Variants in ASIC2 observed in about 807,000 individuals in gnomAD.
The protein encoded by ASIC2 is acid-sensing ion channel 2.
Under a neutral mutation model 57.3 loss-of-function variants are expected in ASIC2, and 25 were observed. The ratio of observed to expected loss-of-function variants is 0.44; its 90% CI spans 0.32 to 0.61. The LOEUF is 0.61. ASIC2 is among the 20% of genes least tolerant of loss of function. The pLI is 0.06. For synonymous variants in ASIC2, 319 were observed against 307.5 expected, an observed-to-expected ratio of 1.04 and a Z score of -0.39; for missense variants, 641 against 738.1, an observed-to-expected ratio of 0.87 and a Z score of 1.52.
intron 1 of ASIC2, among the ~76,000 whole-genome samples, chr17:34,030,833 G>A (rs978379267): frequency 6.6e-6 from 1 of 152,228 alleles, no homozygotes; most frequent in Non-Finnish European, 1.5e-5. Context: ...TGCCCAGTTA[G>A]TTGTTTGATT....
At chr17:33,814,172 G>T (rs1050463420) in intron 1 of ASIC2, among the ~76,000 whole-genome samples, 1 of 152,100 alleles carries the variant, frequency 6.6e-6, no homozygotes, top group Non-Finnish European at 1.5e-5. Flanking sequence ...AGGAGATTCC[G>T]CCTTTTAAAG....
At chr17:33,837,799 C>T (rs1216673557) in intron 1 of ASIC2, among the ~76,000 whole-genome samples, 1 of 152,158 alleles carries the variant, frequency 6.6e-6, no homozygotes, top group Non-Finnish European at 1.5e-5. Flanking sequence ...CATATTATGG[C>T]CTCTCACCCA....
At chr17:33,732,518 T>A (rs1909775361) in intron 1 of ASIC2, among the ~76,000 whole-genome samples, 1 of 151,952 alleles carries the variant, frequency 6.6e-6, no homozygotes, top group Non-Finnish European at 1.5e-5. Context: ...TTTTTTTTTT[T>A]TTTTAAGACG....
At chr17:33,876,211 A>G (rs1250888486) in intron 1 of ASIC2, among the ~76,000 whole-genome samples, 1 of 152,190 alleles carries the variant, frequency 6.6e-6, no homozygotes, top group African/African-American at 2.4e-5. Context: ...ATAGGGACAC[A>G]GTGAGAATGA....
At chr17:33,151,556 G>A (rs1597605493) in intron 1 of ASIC2, among the ~76,000 whole-genome samples, 1 of 152,200 alleles carries the variant, frequency 6.6e-6, no homozygotes, top group African/African-American at 2.4e-5. Flanking sequence ...CAATGCAACA[G>A]TGTTGAGAGG....
chr17:33,350,379 C>T (rs942128710), intron 1 of ASIC2, among the ~76,000 whole-genome samples: 2 of 152,090 alleles, frequency 1.3e-5, no homozygotes, highest in Non-Finnish European at 2.9e-5. Flanking sequence ...TTCTGAATCA[C>T]TTAATTTACT....
chr17:33,267,141 G>T (rs1909494206), intron 1 of ASIC2, among the ~76,000 whole-genome samples: 1 of 152,058 alleles, frequency 6.6e-6, no homozygotes, highest in Non-Finnish European at 1.5e-5. Context: ...TGACATCCTG[G>T]CAGGCCTTTG....
intron 3 of ASIC2, among the ~76,000 whole-genome samples, chr17:33,047,855 C>A (rs2091961426): frequency 6.6e-6 from 1 of 152,152 alleles, no homozygotes; most frequent in Admixed American, 6.5e-5. Context: ...AATGCTTTGA[C>A]AATTAGGAAG....
At chr17:33,099,151 C>A (rs1473710482) in intron 2 of ASIC2, among the ~76,000 whole-genome samples, 1 of 151,756 alleles carries the variant, frequency 6.6e-6, no homozygotes, top group Non-Finnish European at 1.5e-5. Context: ...CACCACCATG[C>A]CCGGCTAGGT....
intron 7 of ASIC2, 75 bp from the exon 8 acceptor site, chr17:33,017,759 C>A: frequency 2.9e-6 from 4 of 1,391,516 alleles, no homozygotes; most frequent in Non-Finnish European, 4.0e-6. Context: ...TGAGATGCAA[C>A]CCAGACCTTC....
intron 1 of ASIC2, among the ~76,000 whole-genome samples, chr17:33,695,641 A>G (rs973750099): frequency 2.2e-4 from 34 of 152,182 alleles, no homozygotes; most frequent in Non-Finnish European, 3.7e-4. Context: ...AAGCAGATGA[A>G]AAGTTTTGTT....
At chr17:34,008,115 A>G (rs1377518600) in intron 1 of ASIC2, among the ~76,000 whole-genome samples, 5 of 152,172 alleles carry the variant, frequency 3.3e-5, no homozygotes, top group African/African-American at 9.7e-5. Context: ...AAAATCAGGT[A>G]TTTTTATTCA....
intron 1 of ASIC2, among the ~76,000 whole-genome samples, chr17:33,262,274 T>C (rs17248874): frequency 0.35 from 52,372 of 151,558 alleles, 9,162 homozygotes; most frequent in Middle Eastern, 0.43. Context: ...TTTCTCTAAT[T>C]TTCCTATGCA....
At chr17:33,344,015 C>T (rs115437968) in intron 1 of ASIC2, among the ~76,000 whole-genome samples, 2,892 of 152,314 alleles carry the variant, frequency 0.019, 88 homozygotes, top group African/African-American at 0.066. Context: ...GGCTGAGTTG[C>T]GTGTTCCAGC....
chr17:33,438,637 T>A (rs1004349090), intron 1 of ASIC2, among the ~76,000 whole-genome samples: 1 of 152,034 alleles, frequency 6.6e-6, no homozygotes, highest in African/African-American at 2.4e-5. Context: ...AACATCTGAG[T>A]TTCCTTCCTA....
intron 3 of ASIC2, among the ~76,000 whole-genome samples, chr17:33,071,967 G>T (rs2092071036): frequency 6.6e-6 from 1 of 152,080 alleles, no homozygotes; most frequent in Non-Finnish European, 1.5e-5. Flanking sequence ...CTCTGGTTTT[G>T]GGTAGTTTTC....
chr17:33,192,594 T>C (rs1275613653), intron 1 of ASIC2, among the ~76,000 whole-genome samples: 1 of 152,156 alleles, frequency 6.6e-6, no homozygotes, highest in Non-Finnish European at 1.5e-5. Context: ...CCTCCTAACG[T>C]CAGCCATTCA....
chr17:33,360,915 T>G (rs575092224), intron 1 of ASIC2, among the ~76,000 whole-genome samples: 2 of 152,186 alleles, frequency 1.3e-5, no homozygotes, highest in Non-Finnish European at 2.9e-5. Flanking sequence ...GACCTCCCAC[T>G]GCAGAACCTC....
In ASIC2 at chr17:33,934,366, T is replaced by C. The variant is rs1295178664; in HGVS notation, c.555+221612A>G. On this transcript the variant is annotated intron_variant, in intron 1 of 9. Transcript: ENST00000359872. The stretch of plus-strand genomic sequence containing the variant: ...GCATTTTCTTGTTACTTTAGCAACA[T>C]TGATTCAAGCACTTGTGTGTGCCAG... Among the ~76,000 whole-genome samples the C allele has an allele frequency of 2.6e-5, 4 of 152,200 alleles. No individual in the cohort carries two copies. In the East Asian group the frequency reaches 7.7e-4, roughly 29 times the overall value.
Sources: gnomAD v4.1 joint callset for allele counts (sites outside exome capture counted in the v4.1 genomes callset) on GRCh38, gnomAD v4.1.1 for gene constraint, MANE v1.5 for transcripts, NCBI Gene and HGNC (gene_info 2026-07-23, HGNC 2026-07-21) for gene names.